LRRC69: variants seen among roughly 807,000 people sequenced by gnomAD.
LRRC69 encodes the protein leucine rich repeat containing 69.
Under a neutral mutation model 37.8 loss-of-function variants are expected in LRRC69, and 42 were observed. The observed-to-expected ratio is 1.11, with a 90% CI of 0.87 to 1.44. The LOEUF (loss-of-function observed/expected upper bound fraction) is 1.44, where lower values mean the gene tolerates loss of function less well. Ranked by LOEUF, LRRC69 falls within the 40% of genes most tolerant of loss-of-function variation. The pLI, the probability that LRRC69 is intolerant of heterozygous loss-of-function variation, is 0.00. For synonymous variants in LRRC69, 141 were observed against 143.1 expected (o/e 0.99, Z 0.11); for missense variants, 357 against 401.9 (o/e 0.89, Z 0.96).
At chr8:91,160,272 G>GC (rs1808915011) in intron 5 of LRRC69, among the ~76,000 whole-genome samples, 1 of 149,608 alleles carries the variant, frequency 6.7e-6, no homozygotes, top group Admixed American at 6.7e-5. Flanking sequence ...AGTTCAAACA[G>GC]GTTTTTTGGC....
chr8:91,192,853 A>C (rs1195079058), intron 6 of LRRC69, among the ~76,000 whole-genome samples: 21 of 150,892 alleles, frequency 1.4e-4, no homozygotes, highest in Non-Finnish European at 1.5e-5. Flanking sequence ...TAGTTTAATT[A>C]GATCCCATTT....
intron 7 of LRRC69, among the ~76,000 whole-genome samples, chr8:91,215,692 T>G (rs1330662546): frequency 2.0e-5 from 3 of 152,198 alleles, no homozygotes; most frequent in Non-Finnish European, 4.4e-5. Context: ...TCCTATTCAC[T>G]GACCTTGGCT....
intron 5 of LRRC69, among the ~76,000 whole-genome samples, chr8:91,163,421 A>C (rs1360295909): frequency 6.6e-6 from 1 of 151,502 alleles, no homozygotes; most frequent in East Asian, 2.0e-4. Context: ...TTGTTGAATG[A>C]ATGAATGACT....
At chr8:91,118,282 A>C (rs781667016) in intron 1 of LRRC69, 2 of 446,468 alleles carry the variant, frequency 4.5e-6, no homozygotes, top group Non-Finnish European at 4.4e-6. Context: ...AGGCAGGCGG[A>C]TCACTTGAAA....
At chr8:91,118,189 T>G (rs1425008729) in intron 1 of LRRC69, 2 of 455,398 alleles carry the variant, frequency 4.4e-6, no homozygotes, top group Admixed American at 2.4e-5. Context: ...GCATTCTGTA[T>G]GTTGGTCTAG....
At chr8:91,133,257 G>A in exon 4 of LRRC69, 2 of 1,521,154 alleles carry the variant, frequency 1.3e-6, no homozygotes, top group Non-Finnish European at 1.8e-6. Flanking sequence ...TCTTGAAGAA[G>A]CTTCAGAAGC....
chr8:91,112,348 G>A (rs1266052273), intron 1 of LRRC69, among the ~76,000 whole-genome samples: 1 of 151,898 alleles, frequency 6.6e-6, no homozygotes, highest in African/African-American at 2.4e-5. Context: ...TACCACCAAG[G>A]GGCATCCCCT....
At chr8:91,158,554 G>T in intron 5 of LRRC69, 1 of 1,191,020 alleles carries the variant, frequency 8.4e-7, no homozygotes, top group Non-Finnish European at 1.3e-6. Context: ...CATTTTCACG[G>T]CCATAGCTTC....
At chr8:91,155,500 T>C (rs771379161) in intron 5 of LRRC69, among the ~76,000 whole-genome samples, 13 of 150,930 alleles carry the variant, frequency 8.6e-5, no homozygotes, top group Non-Finnish European at 1.5e-4. Flanking sequence ...ACCTATCTAT[T>C]TGAAATTCAT....
chr8:91,171,155 A>G (rs956696832), intron 5 of LRRC69, among the ~76,000 whole-genome samples: 1 of 151,988 alleles, frequency 6.6e-6, no homozygotes, highest in Non-Finnish European at 1.5e-5. Context: ...GAATGTATGA[A>G]AAAAAGAATT....
At chr8:91,206,340 A>G (rs1809804767) in intron 7 of LRRC69, among the ~76,000 whole-genome samples, 2 of 152,208 alleles carry the variant, frequency 1.3e-5, no homozygotes, top group African/African-American at 4.8e-5. Context: ...GGAATTTGAA[A>G]GTTAAAACCA....
chr8:91,210,352 A>G (rs1054114407), intron 7 of LRRC69, among the ~76,000 whole-genome samples: 1 of 152,208 alleles, frequency 6.6e-6, no homozygotes, highest in Non-Finnish European at 1.5e-5. Context: ...ATTTTGAATC[A>G]TAAGAGAAAG....
intron 5 of LRRC69, among the ~76,000 whole-genome samples, chr8:91,180,100 T>C (rs1262799315): frequency 2.6e-5 from 4 of 152,252 alleles, no homozygotes; most frequent in Non-Finnish European, 5.9e-5. Context: ...CTTGTAGCTG[T>C]ATAACACATT....
intron 1 of LRRC69, among the ~76,000 whole-genome samples, chr8:91,113,914 AG>A (rs1813457059): frequency 6.9e-6 from 1 of 144,374 alleles, no homozygotes. Flanking sequence ...GGCCAATAGG[AG>A]GATCATTTGA....
rs183097881 is a variant in LRRC69, at chr8:91,105,500, A to T, written c.183+2656A>T. Among the ~76,000 whole-genome samples the T allele has an allele frequency of 2.3e-3, 353 of 151,968 alleles. 1 individual carries two copies. Among genetic ancestry groups the T allele is most frequent in the African/African-American group, 7.9e-3 (328 of 41,526 alleles). Reference sequence around the variant, plus strand: ...GTAGTTTGAAACTGGCCTGGGCAACATAGTGAGACCTCATCTCTACAAAAA... The same window carrying T: ...GTAGTTTGAAACTGGCCTGGGCAACTTAGTGAGACCTCATCTCTACAAAAA... On this transcript the variant is annotated intron_variant, in intron 1 of 7. Transcript: ENST00000448384.
intron 3 of LRRC69, chr8:91,130,845 C>T (rs1292096266): frequency 6.6e-6 from 1 of 151,976 alleles, no homozygotes; most frequent in South Asian, 2.1e-4. Flanking sequence ...TGGTGAGGGT[C>T]TACTTCCTGG....
intron 5 of LRRC69, among the ~76,000 whole-genome samples, chr8:91,179,709 A>G (rs529739383): frequency 7.3e-4 from 111 of 152,330 alleles, no homozygotes; most frequent in African/African-American, 2.1e-3. Context: ...TTTGGTATGG[A>G]TAATCAAGCA....
chr8:91,169,802 C>T (rs1809095141), intron 5 of LRRC69, among the ~76,000 whole-genome samples: 6 of 140,506 alleles, frequency 4.3e-5, no homozygotes, highest in Admixed American at 4.3e-4. Context: ...CGATAGTTTA[C>T]TGAAAATGAT....
intron 6 of LRRC69, among the ~76,000 whole-genome samples, chr8:91,191,049 C>A (rs543922051): frequency 5.5e-5 from 8 of 145,096 alleles, no homozygotes; most frequent in Admixed American, 1.4e-4. Context: ...AAACCCCCCC[C>A]CCCCCAAGTC....
Sources: allele counts gnomAD v4.1 joint callset (sites outside exome capture counted in the v4.1 genomes callset), GRCh38; gene constraint gnomAD v4.1.1; transcripts MANE v1.5; gene names NCBI Gene and HGNC (gene_info 2026-07-23, HGNC 2026-07-21).